The following ST3GAL6 variants were observed in gnomAD, a reference collection of about 807,000 sequenced individuals.
ST3GAL6 encodes the protein type 2 lactosamine alpha-2,3-sialyltransferase.
ST3GAL6 carries 31 observed loss-of-function variants against 40.5 expected under a neutral mutation model. The ratio of observed to expected loss-of-function variants is 0.77; its 90% CI spans 0.58 to 1.03. ST3GAL6 has a LOEUF of 1.03. Among genes scored for constraint, ST3GAL6 ranks in the 50% least tolerant of loss-of-function variants. The pLI is 0.00. For synonymous variants in ST3GAL6, 129 were observed against 136.9 expected, an observed-to-expected ratio of 0.94 and a Z score of 0.40; for missense variants, 357 against 393.2, an observed-to-expected ratio of 0.91 and a Z score of 0.78.
chr3:98,736,829 G>A (rs763689886), intron 1 of ST3GAL6, among the ~76,000 whole-genome samples: 9 of 152,152 alleles, frequency 5.9e-5, no homozygotes, highest in Non-Finnish European at 8.8e-5. Context: ...AATTTGGGTC[G>A]TTTGAGAAAC....
intron 1 of ST3GAL6, chr3:98,732,694 G>T (rs974201026): frequency 1.6e-6 from 1 of 639,890 alleles, no homozygotes; most frequent in Non-Finnish European, 2.4e-6. Flanking sequence ...CTCCGGAGGC[G>T]CTCGGCGCAG....
In ST3GAL6 at chr3:98,788,406, T is replaced by G. The variant is rs1183386770; in HGVS notation, c.699T>G (p.Ile233Met). The change falls in exon 8 of 10, where the codon ATT becomes ATG. Residue 233 changes from isoleucine to methionine, a missense_variant. Ile to Met is a conservative substitution (Grantham distance 10). Transcript: ENST00000483910. ...AAATCCGAATATTAGATCCTTTCAT[T>G]ATCAGAACAGCAGCTTATGAACTGC... ...PYQIRILDPFIIRTAAYELLH... is the reference protein window; with the variant it reads ...PYQIRILDPFMIRTAAYELLH... 6.2e-7 allele frequency: 1 copy of G among 1,613,356 alleles called. No homozygotes were observed. Among genetic ancestry groups the G allele is most frequent in the Admixed American group, 1.7e-5 (1 of 59,814 alleles).
chr3:98,757,676 G>A (rs1937517356), intron 1 of ST3GAL6, among the ~76,000 whole-genome samples: 1 of 152,076 alleles, frequency 6.6e-6, no homozygotes, highest in Non-Finnish European at 1.5e-5. Flanking sequence ...GTATCCCGGG[G>A]GAAGTTATAA....
chr3:98,780,598 C>G (rs1054763632), intron 5 of ST3GAL6, among the ~76,000 whole-genome samples: 2 of 152,144 alleles, frequency 1.3e-5, no homozygotes, highest in Non-Finnish European at 2.9e-5. Flanking sequence ...AGTCCTTGAA[C>G]TGCTGGGACC....
chr3:98,776,212 G>A (rs531620690), intron 5 of ST3GAL6, among the ~76,000 whole-genome samples: 6 of 152,266 alleles, frequency 3.9e-5, no homozygotes, highest in South Asian at 2.1e-4. Context: ...TGTGCCCAAT[G>A]TACAACACAT....
chr3:98,742,933 C>T (rs2107291733), intron 1 of ST3GAL6, among the ~76,000 whole-genome samples: 1 of 150,648 alleles, frequency 6.6e-6, no homozygotes. Context: ...CTCCCGACCT[C>T]AGGTGATCTG....
At chr3:98,744,680 A>G (rs754400942) in intron 1 of ST3GAL6, among the ~76,000 whole-genome samples, 1 of 151,956 alleles carries the variant, frequency 6.6e-6, no homozygotes, top group Admixed American at 6.6e-5. Context: ...TCATCCTCCT[A>G]GACCAGATTG....
At chr3:98,733,252 CGA>C (rs1935209575) in intron 1 of ST3GAL6, 19 of 981,916 alleles carry the variant, frequency 1.9e-5, no homozygotes, top group Non-Finnish European at 2.3e-5. Flanking sequence ...CAGCCACCGC[CGA>C]GAGGGCACCC....
rs58472516 is a variant in ST3GAL6, at chr3:98,745,610, GAA to G, written c.-12+13080_-12+13081del. 4.5e-4 allele frequency among the ~76,000 whole-genome samples: 69 copies of G among 152,304 alleles called. No individual in the cohort carries two copies. In the East Asian group the frequency reaches 0.013, roughly 29 times the overall value. On this transcript the variant is annotated intron_variant, in intron 1 of 9. Transcript: ENST00000265261. ...AGTGGAATATTGCTAGCAACTATGG[GAA>G]AGTCTTCAAGACATTTTTAAAAATC...
At chr3:98,789,278 G>T (rs907269723) in intron 8 of ST3GAL6, among the ~76,000 whole-genome samples, 1 of 152,142 alleles carries the variant, frequency 6.6e-6, no homozygotes, top group East Asian at 1.9e-4. Flanking sequence ...AGTGTTATAT[G>T]CTGAAAACAA....
rs1369913930 is a variant in ST3GAL6 at position 98,756,661 on chromosome 3, A to G, written c.-11-11769A>G. On this transcript the variant is annotated intron_variant, in intron 1 of 9. Transcript: ENST00000265261. ...TTAAAATCCCCTCTTCTATGAATAC[A>G]GGTGCCTGCTATTTTTTTCTCTTAC... 14 of 835,186 alleles carry G rather than the reference A, an allele frequency of 1.7e-5. No individual in the cohort carries two copies. In the South Asian group the frequency reaches 3.0e-4, roughly 18 times the overall value. The allele number at this position is 835,186 out of a possible 1,614,324, so 51.7% of individuals were successfully genotyped here. A position where few individuals can be genotyped will look rare whatever the true frequency, so the allele number is the denominator to read the frequency against.
At chr3:98,752,177 C>T (rs1487994265) in intron 1 of ST3GAL6, among the ~76,000 whole-genome samples, 1 of 152,122 alleles carries the variant, frequency 6.6e-6, no homozygotes, top group Non-Finnish European at 1.5e-5. Flanking sequence ...TGGGAGCCCT[C>T]ATAAAGAAGT....
intron 1 of ST3GAL6, among the ~76,000 whole-genome samples, chr3:98,740,546 G>A (rs1176508328): frequency 1.3e-5 from 2 of 151,914 alleles, no homozygotes; most frequent in African/African-American, 2.4e-5. Flanking sequence ...TCCCATCTAA[G>A]CCAGATTATA....
At chr3:98,786,588 A>C (rs9883537) in intron 6 of ST3GAL6, among the ~76,000 whole-genome samples, 57,067 of 152,030 alleles carry the variant, frequency 0.38, 10,792 homozygotes, top group African/African-American at 0.4. Context: ...CTGAATGTAC[A>C]GATGAAGATG....
At chr3:98,777,278 C>G (rs1199563568) in intron 5 of ST3GAL6, among the ~76,000 whole-genome samples, 1 of 152,196 alleles carries the variant, frequency 6.6e-6, no homozygotes, top group Admixed American at 6.5e-5. Context: ...CTTGTGAGAG[C>G]TGTATCTCTT....
chr3:98,739,982 A>G lies in ST3GAL6; in HGVS notation c.-12+7450A>G, dbSNP rs564149942. On this transcript the variant is annotated intron_variant, in intron 1 of 9. Coordinates refer to the ST3GAL6 transcript ENST00000265261. The stretch of plus-strand genomic sequence containing the variant: ...CTGTTGTAAGTGATCTTGTGAGATA[A>G]AGGACATTGCTGTCAAAATATTTTT... Among the ~76,000 whole-genome samples, 4 of 152,356 alleles carry G rather than the reference A, an allele frequency of 2.6e-5. No homozygotes were observed. The South Asian group carries it at 8.3e-4, about 32-fold the overall frequency.
intron 1 of ST3GAL6, 78 bp from the exon 2 acceptor site, chr3:98,768,352 C>A: frequency 9.8e-7 from 1 of 1,024,738 alleles, no homozygotes; most frequent in Non-Finnish European, 1.5e-6. Context: ...TCCAATAATG[C>A]TTATATTTGA....
upstream of ST3GAL6, among the ~76,000 whole-genome samples, chr3:98,758,388 G>A (rs1937545766): frequency 6.6e-6 from 1 of 152,072 alleles, no homozygotes; most frequent in Non-Finnish European, 1.5e-5. Flanking sequence ...TAGAGTTCTT[G>A]ATTTTTATTT....
intron 8 of ST3GAL6, among the ~76,000 whole-genome samples, chr3:98,789,275 T>C (rs1045762131): frequency 1.3e-5 from 2 of 152,222 alleles, no homozygotes; most frequent in Admixed American, 1.3e-4. Flanking sequence ...AAAAGTGTTA[T>C]ATGCTGAAAA....
Sources: gnomAD v4.1 joint callset for allele counts (sites outside exome capture counted in the v4.1 genomes callset) on GRCh38, gnomAD v4.1.1 for gene constraint, MANE v1.5 for transcripts, NCBI Gene and HGNC (gene_info 2026-07-23, HGNC 2026-07-21) for gene names.